Variants in FGD6 observed in about 807,000 individuals in gnomAD.
The protein encoded by FGD6 is FYVE, RhoGEF and PH domain-containing protein 6.
Under a neutral mutation model 149.4 loss-of-function variants are expected in FGD6, and 90 were observed. The observed-to-expected ratio is 0.60, with a 90% CI of 0.51 to 0.72. The LOEUF (loss-of-function observed/expected upper bound fraction) is 0.72, where lower values mean the gene tolerates loss of function less well. Ranked by LOEUF, FGD6 falls within the 30% of genes least tolerant of loss-of-function variation. The pLI is 0.00. For missense variants in FGD6, 1,437 were observed against 1,684.8 expected, an observed-to-expected ratio of 0.85 and a Z score of 2.57; for synonymous variants, 527 against 584.0, an observed-to-expected ratio of 0.90 and a Z score of 1.41.
At chr12:95,179,864 A>C (rs534634695) in intron 2 of FGD6, among the ~76,000 whole-genome samples, 1 of 152,292 alleles carries the variant, frequency 6.6e-6, no homozygotes, top group African/African-American at 2.4e-5. Flanking sequence ...GGATCACCTT[A>C]GGTAGGAAAT....
intron 2 of FGD6, among the ~76,000 whole-genome samples, chr12:95,183,258 G>A (rs1266253580): frequency 6.6e-6 from 1 of 152,140 alleles, no homozygotes; most frequent in Non-Finnish European, 1.5e-5. Context: ...GTGGGTTTTA[G>A]TTCCCTGCCA....
intron 2 of FGD6, among the ~76,000 whole-genome samples, chr12:95,204,407 A>T (rs1300476336): frequency 6.6e-6 from 1 of 152,134 alleles, no homozygotes; most frequent in Non-Finnish European, 1.5e-5. Flanking sequence ...AGCAAAGGAG[A>T]ACGGGGAGGG....
intron 14 of FGD6, among the ~76,000 whole-genome samples, chr12:95,102,254 G>C (rs1014247125): frequency 6.6e-6 from 1 of 151,752 alleles, no homozygotes; most frequent in Non-Finnish European, 1.5e-5. Context: ...GACCAGCCTG[G>C]GCAACATGGT....
intron 6 of FGD6, among the ~76,000 whole-genome samples, 188 bp from the exon 7 acceptor site, chr12:95,137,866 C>T (rs1879720429): frequency 6.6e-6 from 1 of 152,126 alleles, no homozygotes; most frequent in Admixed American, 6.6e-5. Flanking sequence ...TCTAACTGGT[C>T]TCCCTGCTTC....
At chr12:95,123,820 C>T (rs1879259824) in intron 8 of FGD6, among the ~76,000 whole-genome samples, 1 of 152,182 alleles carries the variant, frequency 6.6e-6, no homozygotes, top group African/African-American at 2.4e-5. Context: ...CCTCGGCCTC[C>T]CAAAGTGCTG....
intron 2 of FGD6, among the ~76,000 whole-genome samples, chr12:95,182,129 G>A (rs1209998054): frequency 1.3e-5 from 2 of 151,372 alleles, no homozygotes; most frequent in African/African-American, 2.4e-5. Flanking sequence ...AAAAAATAAA[G>A]GCCATTAGAA....
At chr12:95,117,715 C>T (rs1043003125) in intron 8 of FGD6, among the ~76,000 whole-genome samples, 2 of 152,000 alleles carry the variant, frequency 1.3e-5, no homozygotes, top group Non-Finnish European at 2.9e-5. Flanking sequence ...GTGTGAGCCA[C>T]GGTGCCAGTA....
chr12:95,197,958 A>G (rs60931712), intron 2 of FGD6, among the ~76,000 whole-genome samples: 7,038 of 152,246 alleles, frequency 0.046, 245 homozygotes, highest in East Asian at 0.15. Context: ...GAGCTTTCCA[A>G]TCAATGAACT....
intron 2 of FGD6, among the ~76,000 whole-genome samples, chr12:95,198,867 G>A (rs146088119): frequency 1.3e-5 from 2 of 152,204 alleles, no homozygotes; most frequent in East Asian, 1.9e-4. Context: ...TTTGGGGGAA[G>A]AAAGTTTTGT....
At chr12:95,147,190 G>A (rs1329519963) in intron 5 of FGD6, among the ~76,000 whole-genome samples, 2 of 152,306 alleles carry the variant, frequency 1.3e-5, no homozygotes, top group Middle Eastern at 3.4e-3. Flanking sequence ...AAAGTGCTAT[G>A]ATAAATATGC....
chr12:95,104,990 A>T lies in FGD6; in HGVS notation c.3497+17T>A. ...GAATGAGAAAAAAAAAAAAAAAAAG[A>T]AGAAGAAAAAATTTACCTGGCTGAG... On this transcript the variant is annotated intron_variant, in intron 14 of 20. Transcript: ENST00000343958. The T allele has an allele frequency of 6.5e-7, 1 of 1,545,578 alleles. No homozygotes were observed. The highest frequency in any genetic ancestry group is 8.7e-7 in the Non-Finnish European group (1 of 1,150,918).
chr12:95,211,324 A>G, intron 1 of FGD6, 57 bp from the exon 2 acceptor site: 3 of 1,506,560 alleles, frequency 2.0e-6, no homozygotes, highest in Non-Finnish European at 2.6e-6. Flanking sequence ...AAAATGATAC[A>G]TGATTAAATC....
chr12:95,190,796 AC>A (rs1881566804), intron 2 of FGD6, among the ~76,000 whole-genome samples: 1 of 152,036 alleles, frequency 6.6e-6, no homozygotes, highest in Admixed American at 6.6e-5. Flanking sequence ...CACACCTGTA[AC>A]CCCAGCACTT....
At chr12:95,122,229 T>G (rs1478202471) in intron 8 of FGD6, among the ~76,000 whole-genome samples, 1 of 152,192 alleles carries the variant, frequency 6.6e-6, no homozygotes, top group South Asian at 2.1e-4. Flanking sequence ...CATGAATATA[T>G]TAGAAGCTAA....
chr12:95,098,533 C>A (rs1878315813), intron 14 of FGD6, among the ~76,000 whole-genome samples: 1 of 152,208 alleles, frequency 6.6e-6, no homozygotes, highest in Non-Finnish European at 1.5e-5. Flanking sequence ...TCGTGCCACA[C>A]TGACCTTCCA....
At chr12:95,128,070 G>T (rs1314869202) in intron 8 of FGD6, among the ~76,000 whole-genome samples, 2 of 152,126 alleles carry the variant, frequency 1.3e-5, no homozygotes, top group Non-Finnish European at 2.9e-5. Context: ...GATGGTAGAA[G>T]ATGAAAAAAG....
In FGD6 at chr12:95,114,486, ACACACAC is replaced by A. The variant is rs1878944481; in HGVS notation, c.3083-792_3083-786del. On this transcript the variant is annotated intron_variant, in intron 8 of 20. Transcript: ENST00000343958. The stretch of plus-strand genomic sequence containing the variant: ...CACACACACACACACACACACACAC[ACACACAC>A]GTCAGACGTGCTGCTAAATATCTTA... Among the ~76,000 whole-genome samples the A allele has an allele frequency of 2.9e-5, 3 of 103,330 alleles. No individual in the cohort carries two copies. The South Asian group carries it at 1.0e-3, about 36-fold the overall frequency. The allele number at this position is 103,330 out of a possible 152,430, so 67.8% of individuals were successfully genotyped here.
Position 95,210,017 on chromosome 12 carries a change from T to G in FGD6, c.1267A>C (p.Asn423His), listed in dbSNP as rs1565925213. 3 of 1,613,534 alleles carry G rather than the reference T, an allele frequency of 1.9e-6. No individual in the cohort carries two copies. The highest frequency in any genetic ancestry group is 2.5e-6 in the Non-Finnish European group (3 of 1,179,846). Residue 423 changes from asparagine to histidine, a missense_variant, in exon 2 of 21, where the codon AAT becomes CAT. By Grantham distance (68) the Asn-to-His change is moderately conservative. Coordinates refer to ENST00000343958, the MANE Select transcript of FGD6 (RefSeq NM_018351.4). Reference sequence around the variant, plus strand: ...ACAGTTGTGCTGTCAGAACTCAAATTAGAGTCTTTATCAAAAGAAGGTGCC... The same window carrying G: ...ACAGTTGTGCTGTCAGAACTCAAATGAGAGTCTTTATCAAAAGAAGGTGCC... ...KMAPSFDKDS[N>H]LSSDSTTVDG...
At chr12:95,150,618 C>CT (rs894155613) in intron 5 of FGD6, among the ~76,000 whole-genome samples, 46 of 147,042 alleles carry the variant, frequency 3.1e-4, no homozygotes, top group African/African-American at 7.9e-4. Flanking sequence ...AAACATTGTC[C>CT]TTTTTTTTTT....
Sources: gnomAD v4.1 joint callset for allele counts (sites outside exome capture counted in the v4.1 genomes callset) on GRCh38, gnomAD v4.1.1 for gene constraint, MANE v1.5 for transcripts, NCBI Gene and HGNC (gene_info 2026-07-23, HGNC 2026-07-21) for gene names.